CAND1: variants seen among roughly 807,000 people sequenced by gnomAD.
CAND1 encodes the protein cullin associated and neddylation dissociated 1, also known as cullin-associated NEDD8-dissociated protein 1.
A neutral mutation model predicts 108.5 loss-of-function variants in CAND1; 7 were observed. The observed-to-expected ratio is 0.06, with a 90% CI of 0.04 to 0.12. The LOEUF is 0.12. Ranked by LOEUF, CAND1 falls within the 10% of genes least tolerant of loss-of-function variation. The pLI is 1.00. For synonymous variants in CAND1, 534 were observed against 512.0 expected (o/e 1.04, Z -0.58); for missense variants, 941 against 1,448.7 (o/e 0.65, Z 5.69).
chr12:67,302,075 A>G (rs1344878303), intron 7 of CAND1, among the ~76,000 whole-genome samples: 1 of 152,196 alleles, frequency 6.6e-6, no homozygotes, highest in African/African-American at 2.4e-5. Flanking sequence ...TTACAAAGTA[A>G]ATGAGAAAAT....
chr12:67,277,923 T>A (rs546265120), intron 1 of CAND1, among the ~76,000 whole-genome samples: 1 of 152,292 alleles, frequency 6.6e-6, no homozygotes, highest in East Asian at 1.9e-4. Context: ...ATTTGTTCTC[T>A]CCAAAGTATG....
chr12:67,305,431 G>A lies in CAND1; in HGVS notation c.1763G>A (p.Arg588Lys). Residue 588 changes from arginine to lysine, a missense_variant, in exon 10 of 15, where the codon AGG becomes AAG. By Grantham distance (26) the Arg-to-Lys change is conservative (BLOSUM62 2). Transcript: ENST00000545606. The surrounding 1 kb of genome is among the most constrained non-coding windows in gnomAD (Gnocchi z 4.4). ...GACATTGATCAGGAAGTCAAGGAAA[G>A]GGCTATTTCCTGTATGGGACAAATT... is the stretch of plus-strand genomic sequence containing the variant. ...AADIDQEVKE[R>K]AISCMGQIIC... The A allele has an allele frequency of 1.2e-6, 2 of 1,613,634 alleles. No homozygotes were observed. Among genetic ancestry groups the A allele is most frequent in the Non-Finnish European group, 1.7e-6 (2 of 1,179,922 alleles).
chr12:67,280,980 C>T (rs529644428), intron 1 of CAND1, among the ~76,000 whole-genome samples: 29 of 152,080 alleles, frequency 1.9e-4, no homozygotes, highest in Non-Finnish European at 4.0e-4. Context: ...GTGGCCCCTG[C>T]TTGTAATCCC....
At position 67,315,333 on chromosome 12, in the gene CAND1, A is replaced by G. The variant is rs1250403596; in HGVS notation, c.*2503A>G. ...GCTGGGCGTGGTGGCAGACGCCTGT[A>G]GTCCTAGCTGCTACAGCTGAGGCAG... On this transcript the variant is annotated 3_prime_UTR_variant, in exon 15 of 15. Coordinates refer to ENST00000545606, the MANE Select transcript of CAND1 (RefSeq NM_018448.5). 6.6e-6 allele frequency: 1 copy of G among 152,016 alleles called. No individual in the cohort carries two copies. 9.4% of individuals were successfully genotyped at this position (152,016 alleles called of 1,614,324 possible).
intron 1 of CAND1, among the ~76,000 whole-genome samples, chr12:67,276,874 A>G (rs1030361910): frequency 5.3e-5 from 8 of 152,190 alleles, no homozygotes; most frequent in Non-Finnish European, 1.2e-4. Flanking sequence ...GGGCTGCAGG[A>G]CATTAATTTT....
intron 1 of CAND1, among the ~76,000 whole-genome samples, chr12:67,271,513 GATACC>G (rs2044520646): frequency 6.6e-6 from 1 of 152,176 alleles, no homozygotes; most frequent in Non-Finnish European, 1.5e-5. Context: ...ATTATGTGGT[GATACC>G]ATACATGTGA....
intron 1 of CAND1, among the ~76,000 whole-genome samples, chr12:67,274,171 G>T (rs561603772): frequency 1.3e-5 from 2 of 152,172 alleles, no homozygotes; most frequent in Non-Finnish European, 2.9e-5. Context: ...TTTCATGCTA[G>T]AAGATGCTTT....
chr12:67,300,530 T>A (rs552142772), intron 7 of CAND1, among the ~76,000 whole-genome samples: 1 of 152,266 alleles, frequency 6.6e-6, no homozygotes, highest in East Asian at 1.9e-4. Context: ...TTCTTCTTAG[T>A]TGATCAGGCC....
chr12:67,290,162 T>G (rs1056595059), intron 2 of CAND1, among the ~76,000 whole-genome samples: 1 of 152,218 alleles, frequency 6.6e-6, no homozygotes, highest in Non-Finnish European at 1.5e-5. Flanking sequence ...TCTCTGTTCT[T>G]TACAAGAACT....
chr12:67,292,563 A>G, intron 2 of CAND1, 59 bp from the exon 3 acceptor site: 2 of 1,256,746 alleles, frequency 1.6e-6, no homozygotes, highest in Non-Finnish European at 2.2e-6. Flanking sequence ...CTACTTATGT[A>G]TTTTCCTGTT....
At chr12:67,296,859 A>G (rs1271469214) in intron 4 of CAND1, among the ~76,000 whole-genome samples, 2 of 152,050 alleles carry the variant, frequency 1.3e-5, no homozygotes, top group South Asian at 2.1e-4. Context: ...GTGCATTGGC[A>G]TGATCATGGC....
chr12:67,308,942 A>C (rs922835849), intron 11 of CAND1, among the ~76,000 whole-genome samples: 1 of 151,848 alleles, frequency 6.6e-6, no homozygotes, highest in Non-Finnish European at 1.5e-5. Flanking sequence ...GTTGGCATTC[A>C]AGTCTTTTAT....
chr12:67,310,135 C>A lies in CAND1; in HGVS notation c.3196-17C>A. ...CTTAAGTATTGTATATCCACACGTTCTTTTTTGCTTTAACAGGTAGAAATG... is the reference window on the plus strand; with the variant it reads ...CTTAAGTATTGTATATCCACACGTTATTTTTTGCTTTAACAGGTAGAAATG... On this transcript the variant is annotated splice_polypyrimidine_tract_variant and intron_variant, in intron 12 of 14. Transcript: ENST00000545606. 1 of 1,610,396 alleles carries A rather than the reference C, an allele frequency of 6.2e-7. No individual in the cohort carries two copies. Among genetic ancestry groups the A allele is most frequent in the Non-Finnish European group, 8.5e-7 (1 of 1,177,778 alleles).
intron 2 of CAND1, among the ~76,000 whole-genome samples, chr12:67,282,732 G>T (rs1239919998): frequency 6.6e-6 from 1 of 152,120 alleles, no homozygotes; most frequent in African/African-American, 2.4e-5. Context: ...AAGAATAGCA[G>T]CAGTTAAACC....
rs1303912878 is a variant in CAND1, at chr12:67,318,901, GATGAA to G, written c.*6075_*6079del. On this transcript the variant is annotated 3_prime_UTR_variant, in exon 15 of 15. Transcript: ENST00000545606. ...TGAGACAGAAACAATTCATAAAGGA[GATGAA>G]ATGTCTTGAGGAATGAGCTCTTAGA... 1 of 152,240 alleles carries G rather than the reference GATGAA, an allele frequency of 6.6e-6. No homozygotes were observed. Among genetic ancestry groups the G allele is most frequent in the Non-Finnish European group, 1.5e-5 (1 of 68,066 alleles). The allele number at this position is 152,240 out of a possible 1,614,324, so 9.4% of individuals were successfully genotyped here.
chr12:67,284,591 G>A (rs141686441), intron 2 of CAND1, among the ~76,000 whole-genome samples: 1 of 152,104 alleles, frequency 6.6e-6, no homozygotes, highest in East Asian at 1.9e-4. Context: ...TGTCATTAGA[G>A]TGAAGAACAG....
chr12:67,310,816 A>C (rs2044941369), intron 13 of CAND1: 1 of 152,142 alleles, frequency 6.6e-6, no homozygotes. Context: ...TTTAATATCA[A>C]GAATTTTGTT....
intron 2 of CAND1, among the ~76,000 whole-genome samples, chr12:67,285,421 C>G (rs994715623): frequency 6.6e-6 from 1 of 152,032 alleles, no homozygotes; most frequent in Non-Finnish European, 1.5e-5. Context: ...GACAAATTGA[C>G]TAAAGTATAT....
intron 2 of CAND1, among the ~76,000 whole-genome samples, chr12:67,282,535 G>A (rs1393837447): frequency 6.6e-6 from 1 of 151,846 alleles, no homozygotes; most frequent in Non-Finnish European, 1.5e-5. Context: ...TGACCTCCTG[G>A]ACTAAAATCC....
Sources: gnomAD v4.1 joint callset for allele counts (sites outside exome capture counted in the v4.1 genomes callset) on GRCh38, gnomAD v4.1.1 for gene constraint, Gnocchi (gnomAD v3.1) non-coding constraint, MANE v1.5 for transcripts, NCBI Gene and HGNC (gene_info 2026-07-23, HGNC 2026-07-21) for gene names.